SPAG7: variants seen among roughly 807,000 people sequenced by gnomAD.
SPAG7 encodes the protein sperm-associated antigen 7.
SPAG7 carries 20 observed loss-of-function variants against 30.6 expected under a neutral mutation model. That is an observed-to-expected ratio of 0.65 (90% CI 0.46 to 0.95). The LOEUF is 0.95. SPAG7 is among the 40% of genes least tolerant of loss of function. SPAG7 has a pLI of 0.00. For synonymous variants in SPAG7, 127 were observed against 104.2 expected, an observed-to-expected ratio of 1.22 and a Z score of -1.33; for missense variants, 276 against 291.1, an observed-to-expected ratio of 0.95 and a Z score of 0.38.
chr17:4,966,797 A>T, intron 1 of SPAG7: 2 of 985,480 alleles, frequency 2.0e-6, no homozygotes, highest in Non-Finnish European at 1.2e-6. Context: ...TCAAGAAACA[A>T]GGGGACGAAG....
At chr17:4,967,666 G>T in intron 1 of SPAG7, 54 bp downstream of exon 1, 1 of 1,368,262 alleles carries the variant, frequency 7.3e-7, no homozygotes, top group South Asian at 1.2e-5. Flanking sequence ...AGAGGGAGAA[G>T]TATGGTCCCG....
chr17:4,960,585 G>C (rs774101503), intron 2 of SPAG7, 38 bp from the exon 3 acceptor site: 3 of 1,542,024 alleles, frequency 1.9e-6, no homozygotes, highest in South Asian at 2.3e-5. Context: ...TGAGACAATG[G>C]CTCCACCCAA....
intron 1 of SPAG7, 152 bp from the exon 2 acceptor site, chr17:4,961,005 T>C: frequency 4.3e-6 from 3 of 702,284 alleles, no homozygotes; most frequent in Non-Finnish European, 7.4e-6. Context: ...TTGATGTTTA[T>C]TCTATCTAAT....
At position 4,959,600 on chromosome 17, in the gene SPAG7, A is replaced by G; in HGVS notation, c.618T>C (p.Ala206=). Residue 206 remains alanine (A), a synonymous_variant, in exon 7 of 7, where the codon GCT becomes GCC. Coordinates refer to ENST00000206020, the MANE Select transcript of SPAG7 (RefSeq NM_004890.3). The part of the protein sequence containing the change: ...NKRDTRSIEE[A]MNEIRAKKRL... ...GCTTCTTGGCTCTGATCTCATTCAT[A>G]GCCTCTTCAATGGAGCGTGTGTCCC... 6 of 1,614,132 alleles carry G rather than the reference A, an allele frequency of 3.7e-6. No individual in the cohort carries two copies. Among genetic ancestry groups the G allele is most frequent in the Non-Finnish European group, 4.2e-6 (5 of 1,180,028 alleles).
intron 2 of SPAG7, 62 bp from the exon 3 acceptor site, chr17:4,960,609 T>A: frequency 1.4e-6 from 2 of 1,449,316 alleles, no homozygotes; most frequent in Non-Finnish European, 1.9e-6. Context: ...CCCCTCTCCC[T>A]AGCTGAGCCT....
rs1332128079 is a variant in SPAG7, at chr17:4,966,639, A to ACT, written c.85+1080_85+1081insAG. The ACT allele has an allele frequency of 1.1e-5, 11 of 985,414 alleles. No individual in the cohort carries two copies. The East Asian group carries it at 6.8e-4, about 61-fold the overall frequency. 61.0% of individuals were successfully genotyped at this position (985,414 alleles called of 1,614,324 possible). ...CTCGGCTCACTGCAGATTGGGGGAG[A>ACT]ACCTCAGGTGGCCGCTCTCACAGTT... On this transcript the variant is annotated intron_variant, in intron 1 of 6. Transcript: ENST00000206020.
chr17:4,960,254 A>C lies in SPAG7; in HGVS notation c.307T>G (p.Tyr103Asp). ...TTTACCTTTTTGAAGATCATGACAT[A>C]GCGACAGTCATCATCTTCCCCAAAG... ...FSFGEDDDCR[Y>D]VMIFKKEFAP... The change falls in exon 4 of 7, where the codon TAT becomes GAT. Residue 103 changes from tyrosine (Y) to aspartate (D), a missense_variant. Physicochemically the swap from Tyr to Asp is radical, Grantham distance 160. Transcript: ENST00000206020. The C allele has an allele frequency of 6.2e-7, 1 of 1,614,160 alleles. No homozygotes were observed.
At chr17:4,967,660 G>A in intron 1 of SPAG7, 60 bp downstream of exon 1, 2 of 1,306,058 alleles carry the variant, frequency 1.5e-6, no homozygotes, top group Non-Finnish European at 2.2e-6. Context: ...GTCCAAAGAG[G>A]GAGAAGTATG....
intron 1 of SPAG7, chr17:4,965,874 G>C (rs1378279771): frequency 1.4e-5 from 2 of 138,502 alleles, no homozygotes; most frequent in Non-Finnish European, 3.3e-5. Flanking sequence ...TTATTTATGA[G>C]ACGGAGTCTC....
chr17:4,960,092 T>C lies in SPAG7; in HGVS notation c.347A>G (p.Glu116Gly). Residue 116 changes from glutamate to glycine, a missense_variant, in exon 5 of 7, where the codon GAA becomes GGA. Physicochemically the swap from Glu to Gly is moderately conservative, Grantham distance 98. Coordinates refer to ENST00000206020, the MANE Select transcript of SPAG7 (RefSeq NM_004890.3). ...IFKKEFAPSD[E>G]ELDSYRRGEE... ...TCCACGACGGTAAGAGTCTAGCTCT[T>C]CATCTGAGGGTGCAAACTCCTGAAG... is the stretch of plus-strand genomic sequence containing the variant. 6.2e-7 allele frequency: 1 copy of C among 1,614,102 alleles called. No homozygotes were observed. The highest frequency in any genetic ancestry group is 8.5e-7 in the Non-Finnish European group (1 of 1,179,928).
At chr17:4,962,786 G>A (rs1248351682) in intron 1 of SPAG7, among the ~76,000 whole-genome samples, 2 of 151,942 alleles carry the variant, frequency 1.3e-5, no homozygotes, top group African/African-American at 4.8e-5. Flanking sequence ...CTGACCTCGT[G>A]ATCCGCCCGC....
At chr17:4,959,689 C>T (rs1214523917) in intron 6 of SPAG7, 46 bp from the exon 7 acceptor site, 21 of 1,613,308 alleles carry the variant, frequency 1.3e-5, no homozygotes, top group Non-Finnish European at 1.8e-5. Flanking sequence ...ATCCGTACCT[C>T]AGCCTCCACT....
chr17:4,960,136 T>TCA (rs1971837286), intron 4 of SPAG7, 25 bp from the exon 5 acceptor site: 3 of 1,604,370 alleles, frequency 1.9e-6, no homozygotes, highest in Non-Finnish European at 2.6e-6. Flanking sequence ...AATGATGGGG[T>TCA]CAGAGTCCAT....
At chr17:4,966,835 T>C (rs1971962338) in intron 1 of SPAG7, 3 of 985,482 alleles carry the variant, frequency 3.0e-6, no homozygotes, top group African/African-American at 3.5e-5. Flanking sequence ...CCTTGAATAC[T>C]TGGAAGGCGT....
In SPAG7 at chr17:4,959,740, C is replaced by A. The variant is rs1392369119; in HGVS notation, c.574+20G>T. On this transcript the variant is annotated intron_variant, in intron 6 of 6. Coordinates refer to ENST00000206020, the MANE Select transcript of SPAG7 (RefSeq NM_004890.3). The stretch of plus-strand genomic sequence containing the variant: ...CCTATGCTCCTCTCCCAGCCACCCC[C>A]AGCCGCACTGTGGCCTCACCACAGC... 6.2e-7 allele frequency: 1 copy of A among 1,614,210 alleles called. No individual in the cohort carries two copies. The highest frequency in any genetic ancestry group is 8.5e-7 in the Non-Finnish European group (1 of 1,180,034).
In SPAG7 at chr17:4,960,443, G is replaced by A. The variant is rs774415688; in HGVS notation, c.242+16C>T. The A allele has an allele frequency of 5.0e-6, 8 of 1,606,418 alleles. No individual in the cohort carries two copies. The South Asian group carries it at 8.8e-5, about 18-fold the overall frequency. ...AGCCACCCATTTCCTTCCTCCCCCA[G>A]CCCAGGGACACTCACAGTATGCTCC... On this transcript the variant is annotated intron_variant, in intron 3 of 6. Transcript: ENST00000206020.
intron 1 of SPAG7, among the ~76,000 whole-genome samples, chr17:4,962,929 T>A (rs1465145305): frequency 1.6e-5 from 2 of 124,556 alleles, no homozygotes; most frequent in African/African-American, 2.6e-5. Context: ...CCTTGGCTAA[T>A]TTTTTTTTTT....
In SPAG7 at chr17:4,959,573, A is replaced by G; in HGVS notation, c.645T>C (p.Arg215=). 6.2e-7 allele frequency: 1 copy of G among 1,614,028 alleles called. No individual in the cohort carries two copies. The highest frequency in any genetic ancestry group is 1.1e-5 in the South Asian group (1 of 91,090). The part of the protein sequence containing the change: ...EAMNEIRAKK[R]LRQSGEELPP... The stretch of plus-strand genomic sequence containing the variant: ...GCAACTCTTCCCCACTCTGCCGCAG[A>G]CGCTTCTTGGCTCTGATCTCATTCA... Residue 215 remains arginine, a synonymous_variant, in exon 7 of 7, where the codon CGT becomes CGC. Coordinates refer to ENST00000206020, the MANE Select transcript of SPAG7 (RefSeq NM_004890.3).
intron 3 of SPAG7, 55 bp downstream of exon 3, chr17:4,960,404 T>C: frequency 6.3e-7 from 1 of 1,598,208 alleles, no homozygotes. Context: ...CCGCTGGCCC[T>C]TTCATGCCCC....
Sources: gnomAD v4.1 joint callset for allele counts (sites outside exome capture counted in the v4.1 genomes callset) on GRCh38, gnomAD v4.1.1 for gene constraint, MANE v1.5 for transcripts, NCBI Gene and HGNC (gene_info 2026-07-23, HGNC 2026-07-21) for gene names.